Variants in SEPTIN8 observed in about 807,000 individuals in gnomAD.
SEPTIN8 encodes the protein septin 8.
SEPTIN8 carries 22 observed loss-of-function variants against 53.1 expected under a neutral mutation model. The ratio of observed to expected loss-of-function variants is 0.41; its 90% CI spans 0.30 to 0.59. The LOEUF (loss-of-function observed/expected upper bound fraction) is 0.59. Ranked by LOEUF, SEPTIN8 falls within the 20% of genes least tolerant of loss-of-function variation. SEPTIN8 has a pLI of 0.24. For synonymous variants in SEPTIN8, 228 were observed against 248.4 expected (o/e 0.92, Z 0.77); for missense variants, 536 against 638.7 (o/e 0.84, Z 1.73).
chr5:132,777,217 C>G lies in SEPTIN8; in HGVS notation c.-80G>C, dbSNP rs1239523291. ...GACCAGCCGGCTGCGGGACGCGCTC[C>G]GCCCGGGCGGCTGCGGCTGAATGGA... On this transcript the variant is annotated 5_prime_UTR_variant, in exon 1 of 10. Transcript: ENST00000378719. The surrounding 1 kb of genome is among the most constrained non-coding windows in gnomAD (Gnocchi z 4.1). 3.9e-5 allele frequency: 45 copies of G among 1,154,438 alleles called. No individual in the cohort carries two copies. Among genetic ancestry groups the G allele is most frequent in the Admixed American group, 4.8e-5 (1 of 21,030 alleles). The allele number at this position is 1,154,438 out of a possible 1,614,324, so 71.5% of individuals were successfully genotyped here.
At chr5:132,770,145 G>GTATATA (rs1218971500) in intron 1 of SEPTIN8, among the ~76,000 whole-genome samples, 6 of 84,966 alleles carry the variant, frequency 7.1e-5, no homozygotes, top group Non-Finnish European at 1.1e-4. Context: ...GTATGTGTGT[G>GTATATA]TATATATATA....
At position 132,773,554 on chromosome 5, in the gene SEPTIN8, C is replaced by A. The variant is rs965376976; in HGVS notation, c.30+3554G>T. The stretch of plus-strand genomic sequence containing the variant: ...TGGAATTTGGATCTTGTTCCCCCTA[C>A]CTTTGCTAGCCAATGACCAAAGTCT... On this transcript the variant is annotated intron_variant, in intron 1 of 9. Coordinates refer to ENST00000378719, the MANE Select transcript of SEPTIN8 (RefSeq NM_001098811.2). The surrounding 1 kb of genome is among the most constrained non-coding windows in gnomAD (Gnocchi z 4.2). Among the ~76,000 whole-genome samples, 7 of 152,228 alleles carry A rather than the reference C, an allele frequency of 4.6e-5. No homozygotes were observed. The highest frequency in any genetic ancestry group is 1.3e-4 in the Admixed American group (2 of 15,290).
rs57510773 is a variant in SEPTIN8, at chr5:132,758,665, G to A, written c.1286+2137C>T. 4,384 of 1,592,526 alleles carry A rather than the reference G, an allele frequency of 2.8e-3. 105 individuals carry two copies. The African/African-American group carries it at 0.05, about 18-fold the overall frequency. On this transcript the variant is annotated intron_variant, in intron 9 of 9. Coordinates refer to ENST00000378719, the MANE Select transcript of SEPTIN8 (RefSeq NM_001098811.2). ...CCCGGGGCAGCCTGGGGCCAGGGTCGGTGGGAGGAAAGCAAGGCTGTAAAC... is the reference window on the plus strand; with the variant it reads ...CCCGGGGCAGCCTGGGGCCAGGGTCAGTGGGAGGAAAGCAAGGCTGTAAAC...
chr5:132,768,134 CT>C (rs1433143980), intron 1 of SEPTIN8, among the ~76,000 whole-genome samples: 34 of 152,250 alleles, frequency 2.2e-4, no homozygotes, highest in African/African-American at 7.7e-4. Flanking sequence ...CACACAGCAA[CT>C]GCAGAGTGGC....
intron 9 of SEPTIN8, among the ~76,000 whole-genome samples, chr5:132,755,362 G>A (rs1755231206): frequency 6.6e-6 from 1 of 152,110 alleles, no homozygotes; most frequent in Non-Finnish European, 1.5e-5. Flanking sequence ...AGGTCCACCA[G>A]CCCACACCAT....
At chr5:132,775,934 G>A (rs1757745741) in intron 1 of SEPTIN8, 1 of 152,130 alleles carries the variant, frequency 6.6e-6, no homozygotes, top group Non-Finnish European at 1.5e-5. Context: ...CCCGAGTCTA[G>A]AAATTATGAA....
chr5:132,752,835 G>T, intron 9 of SEPTIN8: 1 of 1,568,958 alleles, frequency 6.4e-7, no homozygotes, highest in Admixed American at 1.7e-5. Flanking sequence ...TGATGGTTCT[G>T]CTTGAAGATG....
intron 4 of SEPTIN8, among the ~76,000 whole-genome samples, chr5:132,763,150 T>C (rs1012990706): frequency 1.3e-5 from 2 of 152,160 alleles, no homozygotes; most frequent in Non-Finnish European, 2.9e-5. Context: ...TGGGGTCACA[T>C]GCCCTTCAAG....
chr5:132,770,016 T>C (rs1561767755), intron 1 of SEPTIN8, among the ~76,000 whole-genome samples: 13 of 59,602 alleles, frequency 2.2e-4, no homozygotes, highest in Admixed American at 4.2e-4. Flanking sequence ...TATATATATA[T>C]ATATATACAC....
chr5:132,759,271 G>A (rs1020155805), intron 9 of SEPTIN8, among the ~76,000 whole-genome samples: 3 of 152,076 alleles, frequency 2.0e-5, no homozygotes, highest in Admixed American at 6.5e-5. Context: ...AAGCTTTCTA[G>A]CAGGTCCAGA....
chr5:132,758,902 A>C, intron 9 of SEPTIN8: 1 of 1,350,738 alleles, frequency 7.4e-7, no homozygotes, highest in Non-Finnish European at 1.1e-6. Context: ...ACAGAAGCAA[A>C]AGACAGCAAG....
At chr5:132,757,839 A>G (rs928131946) in intron 9 of SEPTIN8, 3 of 985,348 alleles carry the variant, frequency 3.0e-6, no homozygotes, top group South Asian at 4.7e-5. Flanking sequence ...CTAATTGTCT[A>G]TATACATCAG....
chr5:132,771,396 C>T (rs1757305370), intron 1 of SEPTIN8, among the ~76,000 whole-genome samples: 1 of 152,180 alleles, frequency 6.6e-6, no homozygotes, highest in Non-Finnish European at 1.5e-5. Context: ...GGATTGGCTA[C>T]CGAGTAATGG....
chr5:132,777,066 C>G lies in SEPTIN8; in HGVS notation c.30+42G>C. 1 of 1,139,408 alleles carries G rather than the reference C, an allele frequency of 8.8e-7. No homozygotes were observed. Among genetic ancestry groups the G allele is most frequent in the Non-Finnish European group, 1.1e-6 (1 of 924,242 alleles). 70.6% of individuals were successfully genotyped at this position (1,139,408 alleles called of 1,614,324 possible). A position where few individuals can be genotyped will look rare whatever the true frequency, so the allele number is the denominator to read the frequency against. ...AGCTGCAGGGCGGCCCCTCCTGCGC[C>G]CCGCGCCTCCCGCGCGCGCCGTGGC... On this transcript the variant is annotated intron_variant, in intron 1 of 9. Coordinates refer to ENST00000378719, the MANE Select transcript of SEPTIN8 (RefSeq NM_001098811.2). This position sits in a 1 kb window ranked among gnomAD's most constrained non-coding sequence, Gnocchi z 4.1.
chr5:132,769,444 T>C (rs1277310125), intron 1 of SEPTIN8, among the ~76,000 whole-genome samples: 1 of 152,232 alleles, frequency 6.6e-6, no homozygotes, highest in East Asian at 1.9e-4. Flanking sequence ...CTCAGAGGGC[T>C]AAGCCTAAAC....
chr5:132,777,195 C>T lies in SEPTIN8; in HGVS notation c.-58G>A. ...CGAGCGCAGGGGCAGCGACAGGGAC[C>T]AGCCGGCTGCGGGACGCGCTCCGCC... On this transcript the variant is annotated 5_prime_UTR_variant, in exon 1 of 10. Coordinates refer to ENST00000378719, the MANE Select transcript of SEPTIN8 (RefSeq NM_001098811.2). The surrounding 1 kb of genome is among the most constrained non-coding windows in gnomAD (Gnocchi z 4.1). 1.7e-6 allele frequency: 2 copies of T among 1,162,336 alleles called. No homozygotes were observed. The highest frequency in any genetic ancestry group is 2.1e-6 in the Non-Finnish European group (2 of 942,404). 72.0% of individuals were successfully genotyped at this position (1,162,336 alleles called of 1,614,324 possible). A position where few individuals can be genotyped will look rare whatever the true frequency, so the allele number is the denominator to read the frequency against.
At position 132,770,057 on chromosome 5, in the gene SEPTIN8, GTGTGTGTA is replaced by G. The variant is rs1461641299; in HGVS notation, c.31-4536_31-4529del. ...TATATATATATGTGTGTGTGTGTGT[GTGTGTGTA>G]TATATATATATATATGTATATATGT... On this transcript the variant is annotated intron_variant, in intron 1 of 9. Coordinates refer to ENST00000378719, the MANE Select transcript of SEPTIN8 (RefSeq NM_001098811.2). 9.9e-4 allele frequency among the ~76,000 whole-genome samples: 79 copies of G among 79,542 alleles called. 2 individuals carry two copies. The South Asian group carries it at 0.016, about 16-fold the overall frequency. The allele number at this position is 79,542 out of a possible 152,430, so 52.2% of individuals were successfully genotyped here.
rs888158339 is a variant in SEPTIN8 at position 132,760,207 on chromosome 5, C to T, written c.1286+595G>A. ...CAGTTCTCCATCACCACCTGCCAGC[C>T]AATACGGGCTCCACACCACTGCCCC... On this transcript the variant is annotated intron_variant, in intron 9 of 9. Transcript: ENST00000378719. This position sits in a 1 kb window ranked among gnomAD's most constrained non-coding sequence, Gnocchi z 5.2. Among the ~76,000 whole-genome samples the T allele has an allele frequency of 6.6e-6, 1 of 152,060 alleles. No individual in the cohort carries two copies. The highest frequency in any genetic ancestry group is 2.4e-5 in the African/African-American group (1 of 41,394).
rs370810661 is a variant in SEPTIN8 at position 132,763,655 on chromosome 5, A to G, written c.534+51T>C. ...AGGCATGAGGCAGCCACCACATCGC[A>G]TCGCAGCAGAAGACTATGGAGCCTG... On this transcript the variant is annotated intron_variant, in intron 4 of 9. Coordinates refer to ENST00000378719, the MANE Select transcript of SEPTIN8 (RefSeq NM_001098811.2). The G allele has an allele frequency of 1.3e-4, 195 of 1,552,904 alleles. No homozygotes were observed. The African/African-American group carries it at 2.4e-3, about 19-fold the overall frequency.
Sources: allele counts gnomAD v4.1 joint callset (sites outside exome capture counted in the v4.1 genomes callset), GRCh38; gene constraint gnomAD v4.1.1; non-coding constraint Gnocchi (gnomAD v3.1); transcripts MANE v1.5; gene names NCBI Gene and HGNC (gene_info 2026-07-23, HGNC 2026-07-21).